Variants in MTA1 observed in about 807,000 individuals in gnomAD.
MTA1 encodes metastasis-associated protein MTA1.
A neutral mutation model predicts 97.0 loss-of-function variants in MTA1; 15 were observed. That is an observed-to-expected ratio of 0.15 (90% CI 0.10 to 0.24). The LOEUF is 0.24. Ranked by LOEUF, MTA1 falls within the 10% of genes least tolerant of loss-of-function variation. MTA1 has a pLI of 1.00. For missense variants in MTA1, 709 were observed against 1,015.1 expected, an observed-to-expected ratio of 0.70 and a Z score of 4.10; for synonymous variants, 435 against 417.5, an observed-to-expected ratio of 1.04 and a Z score of -0.51.
chr14:105,441,608 T>A (rs782756348), intron 2 of MTA1, among the ~76,000 whole-genome samples: 3 of 152,102 alleles, frequency 2.0e-5, no homozygotes, highest in Non-Finnish European at 4.4e-5. Flanking sequence ...TCCTGGCTAA[T>A]ACGGTGAAAC....
At chr14:105,448,362 G>T (rs587766700) in intron 3 of MTA1, among the ~76,000 whole-genome samples, 2 of 152,308 alleles carry the variant, frequency 1.3e-5, no homozygotes, top group East Asian at 3.9e-4. Context: ...GCACCACAGA[G>T]CCCTGTTCTG....
intron 16 of MTA1, 86 bp from the exon 17 acceptor site, chr14:105,466,340 G>A (rs1161979725): frequency 1.2e-5 from 15 of 1,275,620 alleles, no homozygotes; most frequent in Middle Eastern, 2.1e-4. Context: ...GGGGTATCCC[G>A]GAACCATGAG....
intron 10 of MTA1, among the ~76,000 whole-genome samples, chr14:105,461,561 G>GCA (rs1354954281): frequency 6.6e-6 from 1 of 152,254 alleles, no homozygotes; most frequent in Non-Finnish European, 1.5e-5. Flanking sequence ...GGAGACTGTG[G>GCA]CAGGGCAGGG....
Position 105,463,970 on chromosome 14 carries a change from CACA to C in MTA1, c.1077-61_1077-59del, listed in dbSNP as rs1555431690. 3.3e-5 allele frequency: 51 copies of C among 1,536,272 alleles called. No homozygotes were observed. The African/African-American group carries it at 6.6e-4, about 20-fold the overall frequency. On this transcript the variant is annotated intron_variant, in intron 12 of 20. Coordinates refer to ENST00000331320, the MANE Select transcript of MTA1 (RefSeq NM_004689.4). This position sits in a 1 kb window ranked among gnomAD's most constrained non-coding sequence, Gnocchi z 5.9. Reference sequence around the variant, plus strand: ...GTGGTCAGCCGCGGTGCCTGCTGGGCACATGGGCCCTCGAGGTTTGTGCTCCTG... The same window carrying C: ...GTGGTCAGCCGCGGTGCCTGCTGGGCTGGGCCCTCGAGGTTTGTGCTCCTG...
At chr14:105,428,175 G>A (rs1249161935) in intron 1 of MTA1, among the ~76,000 whole-genome samples, 1 of 152,112 alleles carries the variant, frequency 6.6e-6, no homozygotes. Context: ...TCTGTAGTCA[G>A]CCCCCTCTTC....
rs1214186727 is a variant in MTA1 at position 105,420,107 on chromosome 14, G to GCCCCCACCCGCCGCCGCTGCCGCCT, written c.28+50_28+74dup. On this transcript the variant is annotated intron_variant, in intron 1 of 20. Transcript: ENST00000331320. The surrounding 1 kb of genome is among the most constrained non-coding windows in gnomAD (Gnocchi z 5.3). ...TATGCCCGGCCCCGACCCGCCCGCA[G>GCCCCCACCCGCCGCCGCTGCCGCCT]CCCCCACCCGCCGCCGCTGCCGCCT... 1.3e-3 allele frequency: 1,131 copies of GCCCCCACCCGCCGCCGCTGCCGCCT among 879,156 alleles called. 15 individuals are homozygous for GCCCCCACCCGCCGCCGCTGCCGCCT. The highest frequency in any genetic ancestry group is 0.01 in the African/African-American group (540 of 53,740). The allele number at this position is 879,156 out of a possible 1,614,324, so 54.5% of individuals were successfully genotyped here.
rs2083436016 is a variant in MTA1 at position 105,463,369 on chromosome 14, C to T, written c.1017+111C>T. On this transcript the variant is annotated intron_variant, in intron 11 of 20. Coordinates refer to ENST00000331320, the MANE Select transcript of MTA1 (RefSeq NM_004689.4). The surrounding 1 kb of genome is among the most constrained non-coding windows in gnomAD (Gnocchi z 5.9). ...CTGCAGCAGGAGGGGAAGGAAGACT[C>T]CTGAGTCCCTGGCCCGGCTGTCCTC... 1.3e-6 allele frequency: 2 copies of T among 1,498,356 alleles called. No individual in the cohort carries two copies. Among genetic ancestry groups the T allele is most frequent in the Admixed American group, 1.7e-5 (1 of 59,180 alleles). The allele number at this position is 1,498,356 out of a possible 1,614,324, so 92.8% of individuals were successfully genotyped here.
Position 105,454,313 on chromosome 14 carries a change from A to G in MTA1, c.550+3A>G. 6.2e-7 allele frequency: 1 copy of G among 1,607,350 alleles called. No individual in the cohort carries two copies. The highest frequency in any genetic ancestry group is 8.5e-7 in the Non-Finnish European group (1 of 1,174,384). On this transcript the variant is annotated splice_donor_region_variant and intron_variant, in intron 7 of 20. Coordinates refer to ENST00000331320, the MANE Select transcript of MTA1 (RefSeq NM_004689.4). ...CATCACCGACTTGTTAAAAGAAGGT[A>G]GGGTGGGCCGCCCTGGGCATGGAGC...
intron 1 of MTA1, among the ~76,000 whole-genome samples, chr14:105,421,862 CT>C (rs1483654412): frequency 6.6e-6 from 1 of 152,266 alleles, no homozygotes; most frequent in Non-Finnish European, 1.5e-5. Context: ...CTCTGTCCCC[CT>C]GTGCCCGCAG....
At chr14:105,423,379 G>T (rs1455261404) in intron 1 of MTA1, among the ~76,000 whole-genome samples, 10 of 151,902 alleles carry the variant, frequency 6.6e-5, no homozygotes, top group East Asian at 3.9e-4. Flanking sequence ...ACCAGGCCTG[G>T]TTAAGTTTTA....
rs781931230 is a variant in MTA1, at chr14:105,466,784, C to T, written c.1813+42C>T. On this transcript the variant is annotated intron_variant, in intron 18 of 20. Coordinates refer to ENST00000331320, the MANE Select transcript of MTA1 (RefSeq NM_004689.4). ...CGGGCGGGCGCTGCGCCGGCCCCGC[C>T]CGTGATGCCTGTGCTGTGCTGCTCT... The T allele has an allele frequency of 3.2e-6, 5 of 1,548,410 alleles. No homozygotes were observed. The South Asian group carries it at 5.9e-5, about 18-fold the overall frequency.
chr14:105,443,606 A>G (rs1555426307), intron 2 of MTA1, among the ~76,000 whole-genome samples: 1 of 152,194 alleles, frequency 6.6e-6, no homozygotes, highest in African/African-American at 2.4e-5. Flanking sequence ...AACTCCTGGG[A>G]GTGAGCCACT....
At chr14:105,469,810 T>A in intron 19 of MTA1, 31 bp from the exon 20 acceptor site, 1 of 1,582,016 alleles carries the variant, frequency 6.3e-7, no homozygotes, top group Non-Finnish European at 8.6e-7. Flanking sequence ...GGCCCTTGGC[T>A]GGCTGCCCAG....
At chr14:105,469,188 G>A in intron 18 of MTA1, 2 of 621,296 alleles carry the variant, frequency 3.2e-6, no homozygotes, top group South Asian at 3.2e-5. Flanking sequence ...CCCGGCCCCT[G>A]TGCAGGGAGG....
chr14:105,458,618 C>G (rs1336964491), intron 8 of MTA1, among the ~76,000 whole-genome samples: 1 of 152,152 alleles, frequency 6.6e-6, no homozygotes, highest in Non-Finnish European at 1.5e-5. Context: ...GCCCATGTGT[C>G]CCTAATGGGG....
intron 1 of MTA1, among the ~76,000 whole-genome samples, chr14:105,425,573 G>C (rs1286518631): frequency 6.6e-6 from 1 of 152,162 alleles, no homozygotes; most frequent in Non-Finnish European, 1.5e-5. Context: ...GAACTACCAT[G>C]CCCGGCAGAG....
chr14:105,445,663 A>C, intron 3 of MTA1, 152 bp downstream of exon 3: 2 of 812,366 alleles, frequency 2.5e-6, no homozygotes, highest in Non-Finnish European at 4.2e-6. Flanking sequence ...TCTCCCTTCC[A>C]CAGTGGGCGG....
intron 18 of MTA1, chr14:105,469,079 A>C: frequency 4.4e-6 from 2 of 459,276 alleles, no homozygotes; most frequent in South Asian, 1.6e-5. Context: ...AGTGCCGGCC[A>C]CAGCGTGGCT....
intron 19 of MTA1, 25 bp downstream of exon 19, chr14:105,469,523 G>T (rs587704719): frequency 6.2e-7 from 1 of 1,611,426 alleles, no homozygotes; most frequent in Non-Finnish European, 8.5e-7. Context: ...CCATGATGGG[G>T]TACGGTGCGC....
Sources: gnomAD v4.1 joint callset for allele counts (sites outside exome capture counted in the v4.1 genomes callset) on GRCh38, gnomAD v4.1.1 for gene constraint, Gnocchi (gnomAD v3.1) non-coding constraint, MANE v1.5 for transcripts, NCBI Gene and HGNC (gene_info 2026-07-23, HGNC 2026-07-21) for gene names.